Variants in TMEM131 observed in about 807,000 individuals in gnomAD.
TMEM131 encodes 2610524E03Rik.
In TMEM131, 66 loss-of-function variants were observed where a neutral mutation model predicts 211.6. The ratio of observed to expected loss-of-function variants is 0.31; its 90% CI spans 0.26 to 0.38. The LOEUF (loss-of-function observed/expected upper bound fraction) is 0.38. Ranked by LOEUF, TMEM131 falls within the 10% of genes least tolerant of loss-of-function variation. The pLI is 1.00. For missense variants in TMEM131, 2,036 were observed against 2,299.3 expected (o/e 0.89, Z 2.34); for synonymous variants, 844 against 841.3 (o/e 1.00, Z -0.06).
chr2:97,929,490 TA>T (rs1677129076), intron 1 of TMEM131, among the ~76,000 whole-genome samples: 1 of 151,810 alleles, frequency 6.6e-6, no homozygotes, highest in Non-Finnish European at 1.5e-5. Context: ...CTGTCCCACA[TA>T]TGTACCTGGC....
In TMEM131 at chr2:97,834,677, G is replaced by T. The variant is rs1682858232; in HGVS notation, c.956C>A (p.Ala319Asp). 6.3e-7 allele frequency: 1 copy of T among 1,591,836 alleles called. No individual in the cohort carries two copies. Residue 319 changes from alanine (A) to aspartate (D), a missense_variant and splice_region_variant, in exon 10 of 41, where the codon GCT (alanine) becomes GAT (aspartate). Ala to Asp is a moderately radical substitution (Grantham distance 126). Around this residue, in one of 3 missense-constraint regions of TMEM131, gnomAD observed 277 missense variants for 378.0 expected, o/e 0.73. Coordinates refer to ENST00000186436, the MANE Select transcript of TMEM131 (RefSeq NM_015348.2). ...TTCAGTTGAGGAATAAATTCCAGGA[G>T]CTTGGAAAAAAGAAAAGTCAACAAT... ...ILPVEVEVTT[A>D]PGIYSSTEML...
chr2:97,871,896 T>C (rs992896577), intron 4 of TMEM131, among the ~76,000 whole-genome samples: 2 of 149,972 alleles, frequency 1.3e-5, no homozygotes, highest in Non-Finnish European at 2.9e-5. Context: ...GGAGTTGCTA[T>C]GGAAACAGAA....
intron 2 of TMEM131, among the ~76,000 whole-genome samples, chr2:97,923,840 G>T (rs571987729): frequency 6.6e-6 from 1 of 152,040 alleles, no homozygotes. Flanking sequence ...CCGCACTTGG[G>T]GAGGCTGAGG....
chr2:97,903,939 G>A (rs1206057810), intron 3 of TMEM131, among the ~76,000 whole-genome samples: 1 of 152,066 alleles, frequency 6.6e-6, no homozygotes, highest in East Asian at 1.9e-4. Context: ...TAGGATTACA[G>A]GCTGTGAGCC....
chr2:97,880,413 A>G (rs1383684584), intron 4 of TMEM131, among the ~76,000 whole-genome samples: 2 of 152,194 alleles, frequency 1.3e-5, no homozygotes, highest in African/African-American at 4.8e-5. Flanking sequence ...TCCTGACTAG[A>G]AAGTGGCAGG....
intron 1 of TMEM131, among the ~76,000 whole-genome samples, chr2:97,992,085 A>G (rs1680293689): frequency 6.6e-6 from 1 of 152,240 alleles, no homozygotes; most frequent in South Asian, 2.1e-4. Context: ...TTCTATTTAC[A>G]AGGCCCTAAA....
chr2:97,810,543 T>C (rs941146084), intron 18 of TMEM131, among the ~76,000 whole-genome samples: 2 of 152,222 alleles, frequency 1.3e-5, no homozygotes, highest in African/African-American at 4.8e-5. Context: ...AGTGCTTGAC[T>C]TTCCTAAGAG....
chr2:97,852,266 A>G (rs925071851), intron 5 of TMEM131, among the ~76,000 whole-genome samples: 3 of 149,592 alleles, frequency 2.0e-5, no homozygotes, highest in Non-Finnish European at 4.4e-5. Flanking sequence ...GGTTCAAGCG[A>G]TTCTTGTGCC....
chr2:97,874,785 G>C (rs750689928), intron 4 of TMEM131, among the ~76,000 whole-genome samples: 3 of 152,134 alleles, frequency 2.0e-5, no homozygotes, highest in Non-Finnish European at 4.4e-5. Context: ...AAATTGTAAA[G>C]AACATCAACA....
intron 4 of TMEM131, among the ~76,000 whole-genome samples, chr2:97,864,124 C>T (rs181877674): frequency 9.7e-4 from 147 of 152,100 alleles, no homozygotes; most frequent in African/African-American, 3.4e-3. Flanking sequence ...TAAGCCAGAC[C>T]CAGAAAGACA....
chr2:97,973,212 C>T (rs1679384703), intron 1 of TMEM131, among the ~76,000 whole-genome samples: 1 of 152,158 alleles, frequency 6.6e-6, no homozygotes, highest in South Asian at 2.1e-4. Flanking sequence ...ATAACAATGC[C>T]AGTTACACTG....
chr2:97,972,436 GGGGA>G (rs151287991), intron 1 of TMEM131, among the ~76,000 whole-genome samples: 2,171 of 147,048 alleles, frequency 0.015, 87 homozygotes, highest in East Asian at 0.13. Context: ...AGGAAAGAAA[GGGGA>G]GGGAGGGAGG....
rs201560485 is a variant in TMEM131, at chr2:97,792,730, G to A, written c.3800C>T (p.Ser1267Leu). Reference sequence around the variant, plus strand: ...TGTATGACCTTGAGTCACTGTGTTCGAATCTAAGACAAGGGGGCTTGTTTT... The same window carrying A: ...TGTATGACCTTGAGTCACTGTGTTCAAATCTAAGACAAGGGGGCTTGTTTT... ...ANKTSPLVLD[S>L]NTVTQGHTAG... The change falls in exon 31 of 41, where the codon TCG becomes TTG. Residue 1267 changes from serine (S) to leucine (L), a missense_variant. By Grantham distance (145) the Ser-to-Leu change is moderately radical. Transcript: ENST00000186436. 1.8e-5 allele frequency: 29 copies of A among 1,614,022 alleles called. No homozygotes were observed. The African/African-American group carries it at 2.5e-4, about 14-fold the overall frequency.
intron 4 of TMEM131, among the ~76,000 whole-genome samples, chr2:97,871,868 A>G (rs78856575): frequency 4.6e-5 from 7 of 152,122 alleles, no homozygotes; most frequent in African/African-American, 1.7e-4. Flanking sequence ...GGCAGGAAGA[A>G]TCCATCAGGT....
chr2:97,815,385 A>T, intron 12 of TMEM131, 78 bp from the exon 13 acceptor site: 1 of 923,444 alleles, frequency 1.1e-6, no homozygotes. Context: ...AAATTGACAA[A>T]ATCTTAAAAA....
intron 17 of TMEM131, among the ~76,000 whole-genome samples, chr2:97,811,889 C>T (rs1386530075): frequency 1.3e-5 from 2 of 152,128 alleles, no homozygotes; most frequent in Non-Finnish European, 2.9e-5. Flanking sequence ...CTGGTGAGTG[C>T]TGAAACTAAT....
intron 1 of TMEM131, among the ~76,000 whole-genome samples, chr2:97,986,514 G>C (rs1247314608): frequency 1.3e-5 from 2 of 151,924 alleles, no homozygotes; most frequent in African/African-American, 2.4e-5. Context: ...AATAAAACTG[G>C]ACCTAATTCC....
At chr2:97,843,284 G>T (rs1270647960) in intron 6 of TMEM131, among the ~76,000 whole-genome samples, 1 of 152,152 alleles carries the variant, frequency 6.6e-6, no homozygotes, top group African/African-American at 2.4e-5. Context: ...ATAGGTAGAA[G>T]GGCATGTATA....
intron 1 of TMEM131, among the ~76,000 whole-genome samples, chr2:97,985,620 T>C (rs1679990088): frequency 1.3e-5 from 2 of 150,676 alleles, no homozygotes; most frequent in Admixed American, 6.6e-5. Flanking sequence ...AATGTATAAA[T>C]AAGCTATATT....
Sources: gnomAD v4.1 joint callset for allele counts (sites outside exome capture counted in the v4.1 genomes callset) on GRCh38, gnomAD v4.1.1 for gene constraint, gnomAD v4.1.1 regional missense constraint, MANE v1.5 for transcripts, NCBI Gene and HGNC (gene_info 2026-07-23, HGNC 2026-07-21) for gene names.